Variants in ABCD3 observed in about 807,000 individuals in gnomAD.
ABCD3 encodes the protein ATP-binding cassette sub-family D member 3.
ABCD3 carries 41 observed loss-of-function variants against 105.5 expected under a neutral mutation model. The ratio of observed to expected loss-of-function variants is 0.39; its 90% CI spans 0.30 to 0.50. ABCD3 has a LOEUF of 0.50. Among genes scored for constraint, ABCD3 ranks in the 20% least tolerant of loss-of-function variants. ABCD3 has a pLI of 0.84. For missense variants in ABCD3, 622 were observed against 806.3 expected, an observed-to-expected ratio of 0.77 and a Z score of 2.77; for synonymous variants, 258 against 269.0, an observed-to-expected ratio of 0.96 and a Z score of 0.40.
the ABCD3 span, among the ~76,000 whole-genome samples, chr1:94,400,154 C>G: frequency 2.0e-5 from 3 of 152,080 alleles, no homozygotes; most frequent in Admixed American, 6.6e-5. Flanking sequence ...CTGCCTGTAA[C>G]CCCAGCACTT....
the ABCD3 span, among the ~76,000 whole-genome samples, chr1:94,413,036 G>T: frequency 6.6e-6 from 1 of 151,690 alleles, no homozygotes; most frequent in South Asian, 2.1e-4. Context: ...CTGTTTACAG[G>T]TTGTTTTTAA....
chr1:94,493,313 A>G (rs1013312340), intron 16 of ABCD3, among the ~76,000 whole-genome samples: 1 of 152,016 alleles, frequency 6.6e-6, no homozygotes, highest in Non-Finnish European at 1.5e-5. Flanking sequence ...AAAAGAAGAC[A>G]TTTATGCAGC....
chr1:94,405,950 A>AT, the ABCD3 span, among the ~76,000 whole-genome samples: 1 of 150,034 alleles, frequency 6.7e-6, no homozygotes, highest in Admixed American at 6.6e-5. Flanking sequence ...ATATTTATCA[A>AT]TTTTTTCTTT....
intron 13 of ABCD3, among the ~76,000 whole-genome samples, chr1:94,488,969 A>G (rs913678199): frequency 4.6e-5 from 7 of 151,868 alleles, no homozygotes; most frequent in Admixed American, 2.6e-4. Flanking sequence ...TATTTAGTGT[A>G]TACAATTTGA....
At chr1:94,412,416 C>A in the ABCD3 span, among the ~76,000 whole-genome samples, 2 of 152,156 alleles carry the variant, frequency 1.3e-5, no homozygotes, top group Admixed American at 6.5e-5. Context: ...TTCTTCCGCA[C>A]CTGGCTTTTT....
At chr1:94,420,047 T>A (rs1355688868) in intron 1 of ABCD3, among the ~76,000 whole-genome samples, 1 of 152,162 alleles carries the variant, frequency 6.6e-6, no homozygotes, top group East Asian at 1.9e-4. Context: ...ATAGAACAGG[T>A]GTTTTAATAT....
At chr1:94,458,110 A>G (rs1647674049) in intron 1 of ABCD3, among the ~76,000 whole-genome samples, 1 of 152,288 alleles carries the variant, frequency 6.6e-6, no homozygotes, top group African/African-American at 2.4e-5. Context: ...TCTCCAGGCC[A>G]CTTTCCTCAT....
At chr1:94,437,458 G>A (rs1309547334) in intron 1 of ABCD3, among the ~76,000 whole-genome samples, 1 of 152,186 alleles carries the variant, frequency 6.6e-6, no homozygotes, top group Non-Finnish European at 1.5e-5. Context: ...ATAGCAGCAC[G>A]TCTGTTTACA....
At chr1:94,461,164 G>A (rs1442802362) in intron 2 of ABCD3, among the ~76,000 whole-genome samples, 1 of 152,028 alleles carries the variant, frequency 6.6e-6, no homozygotes. Flanking sequence ...TGTAACAAAG[G>A]CAGTAGGTTT....
At chr1:94,471,418 T>C (rs911259411) in intron 4 of ABCD3, among the ~76,000 whole-genome samples, 1 of 150,890 alleles carries the variant, frequency 6.6e-6, no homozygotes, top group Non-Finnish European at 1.5e-5. Context: ...GTTAGCTGGC[T>C]GTGGTGGCAC....
At chr1:94,485,914 A>T (rs1276272379) in intron 10 of ABCD3, among the ~76,000 whole-genome samples, 1 of 152,174 alleles carries the variant, frequency 6.6e-6, no homozygotes, top group East Asian at 1.9e-4. Flanking sequence ...GGGATGAGCC[A>T]GTTGCGGTGG....
At chr1:94,459,577 A>C (rs1027661179) in intron 2 of ABCD3, among the ~76,000 whole-genome samples, 3 of 152,218 alleles carry the variant, frequency 2.0e-5, no homozygotes, top group African/African-American at 7.2e-5. Context: ...TATTTTTGAC[A>C]ACTCTATATC....
intron 9 of ABCD3, chr1:94,482,909 T>TA (rs1649095517): frequency 2.2e-6 from 1 of 450,422 alleles, no homozygotes. Flanking sequence ...ATTCGTGCAG[T>TA]ATGTCTTTTG....
chr1:94,485,377 T>C (rs1006303304), intron 10 of ABCD3, among the ~76,000 whole-genome samples: 2 of 152,228 alleles, frequency 1.3e-5, no homozygotes, highest in African/African-American at 4.8e-5. Context: ...AAATTAAATG[T>C]ATATTTTAGA....
intron 21 of ABCD3, among the ~76,000 whole-genome samples, chr1:94,507,389 T>A (rs1163217892): frequency 1.3e-5 from 2 of 152,030 alleles, no homozygotes; most frequent in Admixed American, 6.6e-5. Context: ...CCAGTCTATC[T>A]TTGTTGGACA....
chr1:94,427,854 A>T (rs1399427861), intron 1 of ABCD3, among the ~76,000 whole-genome samples: 1 of 152,224 alleles, frequency 6.6e-6, no homozygotes, highest in Non-Finnish European at 1.5e-5. Flanking sequence ...AAAATTAGGC[A>T]TCAGGCCCTT....
chr1:94,404,403 C>T, the ABCD3 span, among the ~76,000 whole-genome samples: 1 of 152,180 alleles, frequency 6.6e-6, no homozygotes, highest in Non-Finnish European at 1.5e-5. Context: ...TTCCTTCCTT[C>T]TTTCCTCTCT....
At chr1:94,429,891 A>G (rs566029084) in intron 1 of ABCD3, among the ~76,000 whole-genome samples, 1 of 152,354 alleles carries the variant, frequency 6.6e-6, no homozygotes, top group South Asian at 2.1e-4. Flanking sequence ...TCCAGACCCC[A>G]GAAGGGTAGA....
chr1:94,400,440 A>G, the ABCD3 span, among the ~76,000 whole-genome samples: 1 of 151,970 alleles, frequency 6.6e-6, no homozygotes, highest in Non-Finnish European at 1.5e-5. Context: ...AAAGTCATTG[A>G]TAAAATATGT....
Sources: gnomAD v4.1 joint callset for allele counts (sites outside exome capture counted in the v4.1 genomes callset) on GRCh38, gnomAD v4.1.1 for gene constraint, MANE v1.5 for transcripts, NCBI Gene and HGNC (gene_info 2026-07-23, HGNC 2026-07-21) for gene names.